PASK: variants seen among roughly 807,000 people sequenced by gnomAD.
The protein encoded by PASK is PAS domain-containing serine/threonine-protein kinase.
Under a neutral mutation model 121.0 loss-of-function variants are expected in PASK, and 110 were observed. The ratio of observed to expected loss-of-function variants is 0.91; its 90% confidence interval spans 0.78 to 1.06. The LOEUF is 1.06. Ranked by LOEUF, PASK falls within the 50% of genes least tolerant of loss-of-function variation. The probability of loss-of-function intolerance (pLI) is 0.00; values close to 1 mark genes in which losing one functional copy is unlikely to be tolerated. For synonymous variants in PASK, 686 were observed against 717.8 expected (o/e 0.96, Z 0.71); for missense variants, 1,643 against 1,702.3 (o/e 0.97, Z 0.61).
rs1559393419 is a variant in PASK at position 241,137,181 on chromosome 2, G to C, written c.960C>G (p.Ser320Arg). ...CCTCACCGGTGGTCGCCTCCTCGCT[G>C]CTGGGTTGGGATTTCAGCTTTAAGC... ...PLSLKLKSQP[S>R]SEEATTGEAA... Residue 320 changes from serine to arginine, a missense_variant, in exon 7 of 18, where the codon AGC (serine) becomes AGG (arginine). Transcript: ENST00000234040. 4 of 1,612,440 alleles carry C rather than the reference G, an allele frequency of 2.5e-6. No individual in the cohort carries two copies. Among genetic ancestry groups the C allele is most frequent in the Non-Finnish European group, 3.4e-6 (4 of 1,178,746 alleles).
At position 241,135,878 on chromosome 2, in the gene PASK, C is replaced by T; in HGVS notation, c.1299G>A (p.Gly433=). ...AGGAAGAGGACGTCTTACCCTGGCCCCCCTCAGCTGGGTCCTGGCCCTGCC... is the reference window on the plus strand; with the variant it reads ...AGGAAGAGGACGTCTTACCCTGGCCTCCCTCAGCTGGGTCCTGGCCCTGCC... ...DPWQGQDPAE[G]GQDPRINVVL... Residue 433 remains glycine (G), a synonymous_variant, in exon 8 of 18, where the codon GGG becomes GGA. Transcript: ENST00000234040. 6.2e-7 allele frequency: 1 copy of T among 1,613,992 alleles called. No individual in the cohort carries two copies. Among genetic ancestry groups the T allele is most frequent in the Non-Finnish European group, 8.5e-7 (1 of 1,179,878 alleles).
intron 7 of PASK, 28 bp downstream of exon 7, chr2:241,136,976 G>A (rs771607588): frequency 8.7e-6 from 14 of 1,607,886 alleles, no homozygotes; most frequent in East Asian, 6.7e-5. Context: ...CCCAGGGAAC[G>A]GGAGCCAGGC....
intron 2 of PASK, among the ~76,000 whole-genome samples, chr2:241,141,570 C>G (rs773925874): frequency 6.6e-6 from 1 of 152,150 alleles, no homozygotes; most frequent in Non-Finnish European, 1.5e-5. Flanking sequence ...GACCCTGGCT[C>G]CATCTCACCC....
At chr2:241,139,818 T>C (rs10933531) in intron 4 of PASK, 67 bp downstream of exon 4, 724,535 of 1,462,760 alleles carry the variant, frequency 0.5, 185,264 homozygotes, top group East Asian at 0.91. Context: ...TAGGGAACAC[T>C]GAGCTGTTCC....
chr2:241,108,066 G>T lies in PASK; in HGVS notation c.3667+101C>A. 1 of 1,063,972 alleles carries T rather than the reference G, an allele frequency of 9.4e-7. No homozygotes were observed. The highest frequency in any genetic ancestry group is 1.5e-6 in the Non-Finnish European group (1 of 680,688). The allele number at this position is 1,063,972 out of a possible 1,614,324, so 65.9% of individuals were successfully genotyped here. On this transcript the variant is annotated intron_variant, in intron 16 of 17. Transcript: ENST00000234040. The surrounding 1 kb of genome is among the most constrained non-coding windows in gnomAD (Gnocchi z 5.2). ...TAGAAAAGAAACAAATGAGACTGTT[G>T]ATATGGACAGAGATACACTGAGGAA...
Position 241,106,674 on chromosome 2 carries a change from C to T in PASK, c.3864G>A (p.Leu1288=), listed in dbSNP as rs2064893659. The T allele has an allele frequency of 6.2e-7, 1 of 1,614,222 alleles. No individual in the cohort carries two copies. ...GCTCCTGAGCCTGGGCCACATCACTCAGGCTCCTGTTCCCCATCTCCAGGC... is the reference window on the plus strand; with the variant it reads ...GCTCCTGAGCCTGGGCCACATCACTTAGGCTCCTGTTCCCCATCTCCAGGC... ...AASLEMGNRS[L]SDVAQAQELC... is the part of the protein sequence containing the mutation. The change falls in exon 18 of 18, where the codon CTG becomes CTA. Residue 1288 remains leucine, a synonymous_variant. Coordinates refer to ENST00000234040, the MANE Select transcript of PASK (RefSeq NM_015148.4).
At chr2:241,139,695 A>G (rs2066611390) in intron 4 of PASK, 190 bp downstream of exon 4, 3 of 712,804 alleles carry the variant, frequency 4.2e-6, no homozygotes, top group African/African-American at 1.7e-5. Flanking sequence ...TTCGTTCTTA[A>G]AGGGCCCCCA....
intron 17 of PASK, 114 bp downstream of exon 17, chr2:241,107,239 G>T: frequency 1.1e-6 from 1 of 943,164 alleles, no homozygotes; most frequent in Non-Finnish European, 1.7e-6. Flanking sequence ...TTGTGTCCAA[G>T]ACAGCATGGG....
chr2:241,150,282 G>T, upstream of PASK: 1 of 1,317,192 alleles, frequency 7.6e-7, no homozygotes, highest in South Asian at 2.3e-5. Flanking sequence ...GACTGTTCCG[G>T]CTCCGCCGCC....
At chr2:241,132,810 C>T in intron 9 of PASK, 64 bp downstream of exon 9, 2 of 1,300,084 alleles carry the variant, frequency 1.5e-6, no homozygotes, top group Non-Finnish European at 2.2e-6. Flanking sequence ...CTGACTTGTT[C>T]CTCATTCACC....
intron 9 of PASK, among the ~76,000 whole-genome samples, chr2:241,130,912 TGCTCA>T (rs1361455580): frequency 1.3e-5 from 2 of 152,126 alleles, no homozygotes; most frequent in Non-Finnish European, 2.9e-5. Context: ...ATCCCAGCCG[TGCTCA>T]GGGAACAGAA....
chr2:241,146,649 G>A (rs2066969843), intron 1 of PASK, among the ~76,000 whole-genome samples: 1 of 152,206 alleles, frequency 6.6e-6, no homozygotes. Context: ...ATCAGCAGGA[G>A]GATTCCTTTG....
chr2:241,126,595 C>T lies in PASK; in HGVS notation c.2320G>A (p.Ala774Thr). The change falls in exon 10 of 18, where the codon GCA becomes ACA. Residue 774 changes from alanine (A) to threonine (T), a missense_variant. Ala to Thr is a moderately conservative substitution (Grantham distance 58). Coordinates refer to ENST00000234040, the MANE Select transcript of PASK (RefSeq NM_015148.4). ...CCTACATCTGGATCGGAGCCCACTG[C>T]CAAGGAAGAGGGTGTCTCTCTGAGT... ...SELRETPSSLAVGSDPDVGSL... is the reference protein window; with the variant it reads ...SELRETPSSLTVGSDPDVGSL... 1 of 1,614,218 alleles carries T rather than the reference C, an allele frequency of 6.2e-7. No individual in the cohort carries two copies. The highest frequency in any genetic ancestry group is 8.5e-7 in the Non-Finnish European group (1 of 1,180,032).
At chr2:241,127,790 G>T in intron 9 of PASK, 1 of 381,262 alleles carries the variant, frequency 2.6e-6, no homozygotes, top group Non-Finnish European at 5.0e-6. Flanking sequence ...GGCCCCACCT[G>T]CAAGGGGAAG....
At chr2:241,137,813 G>A (rs370463358) in intron 6 of PASK, 140 bp downstream of exon 6, 27 of 880,224 alleles carry the variant, frequency 3.1e-5, no homozygotes, top group South Asian at 1.1e-4. Flanking sequence ...AGGCCTCAGC[G>A]CACAGGAAGC....
At chr2:241,150,144 A>G, upstream of PASK, 6 of 1,270,154 alleles carry the variant, frequency 4.7e-6, no homozygotes, top group South Asian at 2.2e-5. Flanking sequence ...AGACAGTGAC[A>G]TAAGTCAACT....
chr2:241,137,538 C>CAGGG (rs1305676383), intron 6 of PASK, among the ~76,000 whole-genome samples: 4 of 152,168 alleles, frequency 2.6e-5, no homozygotes, highest in African/African-American at 4.8e-5. Context: ...CGGGCACCAG[C>CAGGG]AGGGAGGGAG....
chr2:241,139,998 T>C lies in PASK; in HGVS notation c.487A>G (p.Ile163Val), dbSNP rs1057184817. The C allele has an allele frequency of 3.7e-6, 6 of 1,613,916 alleles. No individual in the cohort carries two copies. The African/African-American group carries it at 5.3e-5, about 14-fold the overall frequency. The change falls in exon 4 of 18, where the codon ATT becomes GTT. Residue 163 changes from isoleucine (I) to valine (V), a missense_variant. Physicochemically the swap from Ile to Val is conservative, Grantham distance 29. This residue lies in a region of PASK where 1,176 missense variants were observed against 1,162.2 expected (regional missense o/e 1.01). Transcript: ENST00000234040. Reference sequence around the variant, plus strand: ...AAGAACTGCGTGAGCTTCTGGCCAATCAGGTCCTGGCTGCTGTACCCCAGG... The same window carrying C: ...AAGAACTGCGTGAGCTTCTGGCCAACCAGGTCCTGGCTGCTGTACCCCAGG... ...GLLGYSSQDL[I>V]GQKLTQFFLR... is the part of the protein sequence containing the mutation.
chr2:241,130,478 G>A (rs952731428), intron 9 of PASK, among the ~76,000 whole-genome samples: 17 of 152,184 alleles, frequency 1.1e-4, no homozygotes, highest in African/African-American at 4.1e-4. Flanking sequence ...GGGAGCACTG[G>A]CAAGGGGGCC....
Sources: gnomAD v4.1 joint callset for allele counts (sites outside exome capture counted in the v4.1 genomes callset) on GRCh38, gnomAD v4.1.1 for gene constraint, gnomAD v4.1.1 regional missense constraint, Gnocchi (gnomAD v3.1) non-coding constraint, MANE v1.5 for transcripts, NCBI Gene and HGNC (gene_info 2026-07-23, HGNC 2026-07-21) for gene names.